Variants in LAMC1 observed in about 807,000 individuals in gnomAD.
LAMC1 encodes the protein laminin subunit gamma 1.
Under a neutral mutation model 173.6 loss-of-function variants are expected in LAMC1, and 38 were observed. The ratio of observed to expected loss-of-function variants is 0.22; its 90% CI spans 0.17 to 0.29. The LOEUF is 0.29. Among genes scored for constraint, LAMC1 ranks in the 10% least tolerant of loss-of-function variants. The pLI is 1.00. For synonymous variants in LAMC1, 746 were observed against 749.1 expected (o/e 1.00, Z 0.07); for missense variants, 1,824 against 2,051.8 (o/e 0.89, Z 2.14).
chr1:183,129,065 G>C (rs947826593), intron 18 of LAMC1, among the ~76,000 whole-genome samples: 1 of 147,736 alleles, frequency 6.8e-6, no homozygotes, highest in East Asian at 2.0e-4. Flanking sequence ...ATCATTAAAG[G>C]CATGCGTCTT....
intron 1 of LAMC1, 36 bp from the exon 2 acceptor site, chr1:183,103,292 G>C (rs1271695157): frequency 1.3e-6 from 2 of 1,581,750 alleles, no homozygotes; most frequent in Non-Finnish European, 1.7e-6. Context: ...TGCTTCATAC[G>C]TATGATTTAT....
At chr1:183,135,881 C>T (rs867958889) in intron 24 of LAMC1, among the ~76,000 whole-genome samples, 16 of 122,000 alleles carry the variant, frequency 1.3e-4, no homozygotes, top group South Asian at 1.2e-3. Flanking sequence ...AGAGTGAAAC[C>T]TTGTCTCTCA....
intron 13 of LAMC1, among the ~76,000 whole-genome samples, chr1:183,123,328 C>T (rs147994138): frequency 6.2e-4 from 94 of 152,318 alleles, no homozygotes; most frequent in African/African-American, 2.2e-3. Context: ...TAATTGTTCT[C>T]CCTGCCTCAC....
intron 1 of LAMC1, among the ~76,000 whole-genome samples, chr1:183,095,294 A>G (rs923005653): frequency 1.3e-5 from 2 of 152,148 alleles, no homozygotes; most frequent in African/African-American, 4.8e-5. Flanking sequence ...TACCACCGTG[A>G]CTAGGTATTA....
In LAMC1 at chr1:183,140,507, C is replaced by T. The variant is rs201675929; in HGVS notation, c.4573+4C>T. On this transcript the variant is annotated splice_donor_region_variant and intron_variant, in intron 27 of 27. Transcript: ENST00000258341. ...AATGACCTCTTGGAGCAGCTGGGTA[C>T]GTAGCCATAGAGTCATTTTTGTCAG... 195 of 1,594,902 alleles carry T rather than the reference C, an allele frequency of 1.2e-4. 1 individual carries two copies. The highest frequency in any genetic ancestry group is 1.8e-4 in the South Asian group (16 of 90,632).
At chr1:183,104,969 G>T (rs1338114359) in intron 2 of LAMC1, among the ~76,000 whole-genome samples, 1 of 151,768 alleles carries the variant, frequency 6.6e-6, no homozygotes, top group South Asian at 2.1e-4. Context: ...AGCACTTTGG[G>T]AGGCGGAGGC....
chr1:183,098,232 G>A (rs1391088988), intron 1 of LAMC1, among the ~76,000 whole-genome samples: 2 of 152,190 alleles, frequency 1.3e-5, no homozygotes, highest in Non-Finnish European at 2.9e-5. Context: ...GGGAAGTATA[G>A]TGAGAGAGAG....
intron 15 of LAMC1, 71 bp from the exon 16 acceptor site, chr1:183,126,049 C>T: frequency 7.9e-7 from 1 of 1,267,156 alleles, no homozygotes; most frequent in Non-Finnish European, 1.1e-6. Flanking sequence ...CAGTGCTATA[C>T]TAAAAAAAAA....
At chr1:183,044,046 G>A (rs1654204964) in intron 1 of LAMC1, among the ~76,000 whole-genome samples, 1 of 151,908 alleles carries the variant, frequency 6.6e-6, no homozygotes, top group Non-Finnish European at 1.5e-5. Context: ...TCAGTGTCTA[G>A]GAATCTTTAG....
At chr1:183,101,803 A>C (rs968846902) in intron 1 of LAMC1, among the ~76,000 whole-genome samples, 1 of 152,166 alleles carries the variant, frequency 6.6e-6, no homozygotes, top group Non-Finnish European at 1.5e-5. Context: ...TTTATGTTGA[A>C]GCTAATGTGT....
intron 1 of LAMC1, among the ~76,000 whole-genome samples, chr1:183,070,761 C>T (rs1194141038): frequency 6.6e-6 from 1 of 151,926 alleles, no homozygotes; most frequent in Non-Finnish European, 1.5e-5. Flanking sequence ...TCTCAGTTCC[C>T]CTTGTAATGT....
chr1:183,087,488 A>T (rs1035043390), intron 1 of LAMC1, among the ~76,000 whole-genome samples: 1 of 152,246 alleles, frequency 6.6e-6, no homozygotes, highest in Non-Finnish European at 1.5e-5. Context: ...ATACCATGAA[A>T]AAAGTGTCAT....
chr1:183,127,486 A>G, intron 17 of LAMC1, 82 bp downstream of exon 17: 1 of 1,322,242 alleles, frequency 7.6e-7, no homozygotes, highest in Non-Finnish European at 1.1e-6. Context: ...CTATAGAAAA[A>G]GTGGTGAACA....
At chr1:183,109,604 A>G (rs1011437143) in intron 3 of LAMC1, among the ~76,000 whole-genome samples, 11 of 152,318 alleles carry the variant, frequency 7.2e-5, no homozygotes, top group African/African-American at 2.2e-4. Context: ...GCAGCAGTCA[A>G]GGATAAGAGC....
intron 1 of LAMC1, among the ~76,000 whole-genome samples, chr1:183,028,768 T>C (rs975299021): frequency 6.6e-6 from 1 of 152,258 alleles, no homozygotes; most frequent in East Asian, 1.9e-4. Flanking sequence ...TGTTCCTAGA[T>C]TCCTCTCTTT....
chr1:183,045,646 A>C (rs897691432), intron 1 of LAMC1, among the ~76,000 whole-genome samples: 2 of 152,038 alleles, frequency 1.3e-5, no homozygotes, highest in East Asian at 1.9e-4. Context: ...GCATTCTCAC[A>C]CATGTCTCCT....
intron 1 of LAMC1, among the ~76,000 whole-genome samples, chr1:183,067,478 G>T (rs904660982): frequency 8.0e-5 from 12 of 150,852 alleles, no homozygotes; most frequent in Middle Eastern, 3.4e-3. Context: ...ATATATTTTT[G>T]TTGTTGTTGT....
At position 183,130,447 on chromosome 1, in the gene LAMC1, A is replaced by C; in HGVS notation, c.3384A>C (p.Gly1128=). ...QNIRNTIEET[G]NLAEQARAHV... The stretch of plus-strand genomic sequence containing the variant: ...TCCGGAATACCATTGAAGAGACTGG[A>C]AACTTGGCTGAACAAGCGCGTGCCC... The change falls in exon 19 of 28, where the codon GGA becomes GGC. Residue 1128 remains glycine, a synonymous_variant. Coordinates refer to ENST00000258341, the MANE Select transcript of LAMC1 (RefSeq NM_002293.4). 6.2e-7 allele frequency: 1 copy of C among 1,614,216 alleles called. No individual in the cohort carries two copies. Among genetic ancestry groups the C allele is most frequent in the Non-Finnish European group, 8.5e-7 (1 of 1,180,032 alleles).
intron 1 of LAMC1, among the ~76,000 whole-genome samples, chr1:183,031,502 C>A (rs1206402858): frequency 6.6e-6 from 1 of 152,054 alleles, no homozygotes; most frequent in Non-Finnish European, 1.5e-5. Context: ...CAGGGTTTTA[C>A]CATGTTGGTC....
Sources: allele counts gnomAD v4.1 joint callset (sites outside exome capture counted in the v4.1 genomes callset), GRCh38; gene constraint gnomAD v4.1.1; transcripts MANE v1.5; gene names NCBI Gene and HGNC (gene_info 2026-07-23, HGNC 2026-07-21).